The following LHFPL3 variants were observed in gnomAD, a reference collection of about 807,000 sequenced individuals.
LHFPL3 encodes LHFPL tetraspan subfamily member 3 protein.
LHFPL3 carries 5 observed loss-of-function variants against 19.3 expected under a neutral mutation model. That is an observed-to-expected ratio of 0.26 (90% CI 0.14 to 0.54). LHFPL3 has a LOEUF of 0.54. Ranked by LOEUF, LHFPL3 falls within the 20% of genes least tolerant of loss-of-function variation. The pLI, the probability that LHFPL3 is intolerant of heterozygous loss-of-function variation, is 0.94. For synonymous variants in LHFPL3, 133 were observed against 126.2 expected (o/e 1.05, Z -0.36); for missense variants, 249 against 307.4 (o/e 0.81, Z 1.42).
chr7:104,475,549 T>C (rs547696940), intron 1 of LHFPL3, among the ~76,000 whole-genome samples: 1 of 152,332 alleles, frequency 6.6e-6, no homozygotes, highest in African/African-American at 2.4e-5. Context: ...TACTTAACAC[T>C]ACTGAACTGT....
At chr7:104,860,948 C>A (rs1278583925) in intron 2 of LHFPL3, among the ~76,000 whole-genome samples, 1 of 152,182 alleles carries the variant, frequency 6.6e-6, no homozygotes, top group African/African-American at 2.4e-5. Context: ...TTTATCAATA[C>A]AACTACCAGA....
chr7:104,736,542 G>C (rs958539433), intron 1 of LHFPL3, 133 bp from the exon 2 acceptor site: 9 of 649,692 alleles, frequency 1.4e-5, no homozygotes, highest in Non-Finnish European at 2.2e-5. Flanking sequence ...GAGTGACAGT[G>C]GTGAGATTTG....
chr7:104,758,103 A>T (rs1218134986), intron 2 of LHFPL3, among the ~76,000 whole-genome samples: 1 of 152,232 alleles, frequency 6.6e-6, no homozygotes, highest in African/African-American at 2.4e-5. Context: ...TAACAGAGGA[A>T]CAAAAAACCA....
At chr7:104,670,144 T>C (rs1792446232) in intron 1 of LHFPL3, among the ~76,000 whole-genome samples, 1 of 151,848 alleles carries the variant, frequency 6.6e-6, no homozygotes. Context: ...ATTCCTTTTT[T>C]TTTTTTTTTT....
intron 1 of LHFPL3, among the ~76,000 whole-genome samples, chr7:104,449,558 G>T (rs796893856): frequency 2.4e-4 from 36 of 152,304 alleles, no homozygotes; most frequent in African/African-American, 7.2e-4. Flanking sequence ...AACTCTGGGA[G>T]GACAGGGCAG....
chr7:104,750,388 C>A (rs1369479878), intron 2 of LHFPL3, among the ~76,000 whole-genome samples: 1 of 152,190 alleles, frequency 6.6e-6, no homozygotes, highest in African/African-American at 2.4e-5. Flanking sequence ...CCCTCCTATT[C>A]TTTTTATTTC....
intron 2 of LHFPL3, among the ~76,000 whole-genome samples, chr7:104,755,943 C>A (rs902239325): frequency 5.3e-5 from 8 of 152,170 alleles, no homozygotes; most frequent in African/African-American, 1.2e-4. Flanking sequence ...GATCCACCTG[C>A]CTTGGCCTCC....
At chr7:104,842,479 T>A (rs993299189) in intron 2 of LHFPL3, among the ~76,000 whole-genome samples, 5 of 152,152 alleles carry the variant, frequency 3.3e-5, no homozygotes, top group South Asian at 2.1e-4. Flanking sequence ...GATGATAATG[T>A]CATGGCTGTC....
intron 1 of LHFPL3, among the ~76,000 whole-genome samples, chr7:104,725,563 A>G (rs1189745386): frequency 1.3e-5 from 2 of 152,132 alleles, no homozygotes; most frequent in African/African-American, 2.4e-5. Context: ...TTTTTGAACT[A>G]TAGTTTGAAT....
At chr7:104,333,428 T>A (rs970650317) in intron 1 of LHFPL3, among the ~76,000 whole-genome samples, 11 of 152,154 alleles carry the variant, frequency 7.2e-5, no homozygotes, top group African/African-American at 2.7e-4. Flanking sequence ...TAAGGAGAGA[T>A]GAGGACAGAA....
chr7:104,438,265 G>A (rs1792150659), intron 1 of LHFPL3, among the ~76,000 whole-genome samples: 1 of 151,850 alleles, frequency 6.6e-6, no homozygotes, highest in Admixed American at 6.6e-5. Context: ...CATCAGCTTG[G>A]CTGTGCAACG....
chr7:104,569,299 G>A (rs1790182255), intron 1 of LHFPL3, among the ~76,000 whole-genome samples: 1 of 152,044 alleles, frequency 6.6e-6, no homozygotes, highest in Non-Finnish European at 1.5e-5. Flanking sequence ...ATGAGGGCAG[G>A]GAAATGTATT....
intron 1 of LHFPL3, among the ~76,000 whole-genome samples, chr7:104,552,070 C>T (rs1794671332): frequency 6.6e-6 from 1 of 152,160 alleles, no homozygotes; most frequent in South Asian, 2.1e-4. Context: ...AGCTACATGC[C>T]TTGGGCAAGT....
intron 1 of LHFPL3, among the ~76,000 whole-genome samples, chr7:104,333,880 T>C (rs1400817447): frequency 1.3e-5 from 2 of 152,216 alleles, no homozygotes; most frequent in Non-Finnish European, 2.9e-5. Context: ...GTCAAAAGCA[T>C]GGAAACTGGA....
intron 1 of LHFPL3, among the ~76,000 whole-genome samples, chr7:104,560,872 GTA>G (rs1273885378): frequency 1.0e-4 from 15 of 149,970 alleles, no homozygotes; most frequent in Non-Finnish European, 1.9e-4. Context: ...AGAGATTCTG[GTA>G]TGTTGTGTCT....
intron 1 of LHFPL3, among the ~76,000 whole-genome samples, chr7:104,660,849 A>G (rs1368607889): frequency 1.3e-5 from 2 of 152,218 alleles, no homozygotes. Flanking sequence ...CACATACTCC[A>G]TCATACACCA....
chr7:104,625,872 T>C (rs1584447528), intron 1 of LHFPL3, among the ~76,000 whole-genome samples: 2 of 152,290 alleles, frequency 1.3e-5, no homozygotes. Flanking sequence ...GATGGTAGTG[T>C]TTAAATTGTT....
At chr7:104,419,609 A>G (rs1463261384) in intron 1 of LHFPL3, among the ~76,000 whole-genome samples, 1 of 152,206 alleles carries the variant, frequency 6.6e-6, no homozygotes, top group Non-Finnish European at 1.5e-5. Flanking sequence ...TATAAGTTTG[A>G]CTTTAGACAT....
At chr7:104,867,757 C>A (rs1477137698) in intron 2 of LHFPL3, among the ~76,000 whole-genome samples, 13 of 152,126 alleles carry the variant, frequency 8.5e-5, no homozygotes, top group Admixed American at 7.2e-4. Context: ...ATACCAAAGC[C>A]TGGCAGAGAC....
Sources: allele counts gnomAD v4.1 joint callset (sites outside exome capture counted in the v4.1 genomes callset), GRCh38; gene constraint gnomAD v4.1.1; transcripts MANE v1.5; gene names NCBI Gene and HGNC (gene_info 2026-07-23, HGNC 2026-07-21).